NAV1: variants seen among roughly 807,000 people sequenced by gnomAD.
NAV1 encodes neuron navigator 1.
A neutral mutation model predicts 175.2 loss-of-function variants in NAV1; 18 were observed. The ratio of observed to expected loss-of-function variants is 0.10; its 90% CI spans 0.07 to 0.15. The LOEUF is 0.15. Among genes scored for constraint, NAV1 ranks in the 10% least tolerant of loss-of-function variants. NAV1 has a pLI of 1.00. For missense variants in NAV1, 1,731 were observed against 2,436.6 expected (o/e 0.71, Z 6.10); for synonymous variants, 897 against 978.7 (o/e 0.92, Z 1.56).
chr1:201,694,337 A>T lies in NAV1; in HGVS notation c.758-18480A>T, dbSNP rs977883665. On this transcript the variant is annotated intron_variant, in intron 1 of 29. Transcript: ENST00000367296. The surrounding 1 kb of genome is among the most constrained non-coding windows in gnomAD (Gnocchi z 4.2). ...TTTGTTCTTTGAAGGAGGGAAAGGA[A>T]GTGCTGAATGGAGCCAGGCAGCTGA... Among the ~76,000 whole-genome samples the T allele has an allele frequency of 1.3e-5, 2 of 152,164 alleles. No homozygotes were observed. Among genetic ancestry groups the T allele is most frequent in the African/African-American group, 4.8e-5 (2 of 41,436 alleles).
chr1:201,660,685 GAGC>G (rs1669574105), intron 1 of NAV1, among the ~76,000 whole-genome samples: 1 of 152,262 alleles, frequency 6.6e-6, no homozygotes, highest in Non-Finnish European at 1.5e-5. Flanking sequence ...AACATTTATT[GAGC>G]ACTCACTGTT....
chr1:201,757,769 C>T (rs764110731), intron 3 of NAV1, among the ~76,000 whole-genome samples: 7 of 152,222 alleles, frequency 4.6e-5, no homozygotes, highest in East Asian at 1.9e-4. Context: ...AGAGCACTGA[C>T]GTCTTTGACT....
At chr1:201,730,301 T>C (rs531016428) in intron 3 of NAV1, among the ~76,000 whole-genome samples, 2 of 152,350 alleles carry the variant, frequency 1.3e-5, no homozygotes, top group African/African-American at 4.8e-5. Context: ...AGTGAAGAAA[T>C]TGGAACTCAG....
intron 1 of NAV1, among the ~76,000 whole-genome samples, chr1:201,654,386 C>T (rs1669320038): frequency 6.7e-6 from 1 of 148,570 alleles, no homozygotes; most frequent in South Asian, 2.2e-4. Flanking sequence ...TGCAAATGCC[C>T]ACCCCCTACC....
chr1:201,712,776 G>A (rs752915813), intron 1 of NAV1, 41 bp from the exon 6 acceptor site: 17 of 1,414,558 alleles, frequency 1.2e-5, no homozygotes, highest in Non-Finnish European at 1.5e-5. Flanking sequence ...CCAGCATTAA[G>A]TTCTCTTCAC....
intron 2 of NAV1, among the ~76,000 whole-genome samples, chr1:201,602,664 T>C (rs1667554371): frequency 8.2e-6 from 1 of 121,514 alleles, no homozygotes; most frequent in African/African-American, 2.7e-5. Context: ...TTTTTTTTTT[T>C]TGGTTTTTTT....
chr1:201,554,529 G>A (rs1665956225), intron 1 of NAV1, among the ~76,000 whole-genome samples: 1 of 152,194 alleles, frequency 6.6e-6, no homozygotes, highest in African/African-American at 2.4e-5. Flanking sequence ...CGGCCCTGCT[G>A]GGGAAGGAAA....
chr1:201,816,674 C>CTTTTTTTTTT, intron 28 of NAV1, among the ~76,000 whole-genome samples: 1 of 102,848 alleles, frequency 9.7e-6, no homozygotes, highest in African/African-American at 3.8e-5. Context: ...AGGAAGTGCA[C>CTTTTTTTTTT]TTTTTTTTTT....
chr1:201,760,886 G>A (rs1365657112), intron 3 of NAV1, among the ~76,000 whole-genome samples: 3 of 152,146 alleles, frequency 2.0e-5, no homozygotes, highest in African/African-American at 4.8e-5. Flanking sequence ...GTATAGTAGT[G>A]TGCAAGCAGA....
chr1:201,752,594 C>T (rs929300619), intron 3 of NAV1, among the ~76,000 whole-genome samples: 18 of 150,672 alleles, frequency 1.2e-4, no homozygotes, highest in Admixed American at 9.3e-4. Context: ...AAGAAGGTAA[C>T]GGATTACAGC....
intron 1 of NAV1, among the ~76,000 whole-genome samples, chr1:201,658,151 G>A (rs1669476102): frequency 1.3e-5 from 2 of 152,164 alleles, no homozygotes; most frequent in African/African-American, 4.8e-5. Context: ...CATTGAGTCT[G>A]ATTCCATTTA....
chr1:201,693,948 C>G (rs1363262229), intron 1 of NAV1, among the ~76,000 whole-genome samples: 1 of 152,186 alleles, frequency 6.6e-6, no homozygotes, highest in Non-Finnish European at 1.5e-5. Context: ...GGGGCAGGAC[C>G]TGTCTGAAGC....
intron 28 of NAV1, among the ~76,000 whole-genome samples, chr1:201,815,524 T>C (rs747462498): frequency 2.0e-5 from 3 of 152,040 alleles, no homozygotes; most frequent in Non-Finnish European, 2.9e-5. Context: ...TAGAATCTAA[T>C]GAAGTCAAAC....
intron 1 of NAV1, among the ~76,000 whole-genome samples, chr1:201,658,179 C>A (rs1260933262): frequency 6.6e-6 from 1 of 152,174 alleles, no homozygotes; most frequent in Non-Finnish European, 1.5e-5. Context: ...AGCAACTTGT[C>A]AAGAAGTTAG....
intron 10 of NAV1, 57 bp from the exon 15 acceptor site, chr1:201,789,683 A>G: frequency 6.5e-7 from 1 of 1,543,844 alleles, no homozygotes; most frequent in Non-Finnish European, 9.0e-7. Context: ...GAGTCTTCCA[A>G]AAACCCCTTG....
chr1:201,707,753 C>T (rs1452859876), intron 1 of NAV1, among the ~76,000 whole-genome samples: 2 of 152,344 alleles, frequency 1.3e-5, no homozygotes, highest in East Asian at 1.9e-4. Context: ...ACGTTTTAGT[C>T]TTCTTGCTTC....
In NAV1 at chr1:201,684,135, C is replaced by T. The variant is rs185505747; in HGVS notation, c.758-28682C>T. ...TTTACATATTTATTTCCTTGCTTTT[C>T]GGCCCTACAAGATGCTCTAGGTTCA... On this transcript the variant is annotated intron_variant, in intron 1 of 29. Coordinates refer to ENST00000367296, the Ensembl canonical transcript of NAV1. 1.6e-3 allele frequency among the ~76,000 whole-genome samples: 240 copies of T among 152,182 alleles called. 1 individual carries two copies. Among genetic ancestry groups the T allele is most frequent in the African/African-American group, 5.4e-3 (223 of 41,496 alleles).
intron 3 of NAV1, among the ~76,000 whole-genome samples, chr1:201,756,795 T>TCTTTCTTTC (rs2102616585): frequency 2.0e-5 from 1 of 49,094 alleles, no homozygotes; most frequent in African/African-American, 1.2e-4. Flanking sequence ...TGAGCAATTC[T>TCTTTCTTTC]CTTTCTTTCT....
chr1:201,639,364 T>TATGCA (rs1668687641), intron 2 of NAV1, among the ~76,000 whole-genome samples: 4 of 152,058 alleles, frequency 2.6e-5, no homozygotes, highest in African/African-American at 7.2e-5. Flanking sequence ...CATCATGGAG[T>TATGCA]TCTGGCTTTA....
Sources: gnomAD v4.1 joint callset for allele counts (sites outside exome capture counted in the v4.1 genomes callset) on GRCh38, gnomAD v4.1.1 for gene constraint, Gnocchi (gnomAD v3.1) non-coding constraint, MANE v1.5 for transcripts, NCBI Gene and HGNC (gene_info 2026-07-23, HGNC 2026-07-21) for gene names.